The following SLC16A4 variants were observed in gnomAD, a reference collection of about 807,000 sequenced individuals.
SLC16A4 encodes solute carrier family 16 member 4.
SLC16A4 carries 39 observed loss-of-function variants against 47.9 expected under a neutral mutation model. The ratio of observed to expected loss-of-function variants is 0.81; its 90% CI spans 0.63 to 1.06. SLC16A4 has a LOEUF of 1.06. Ranked by LOEUF, SLC16A4 falls within the 50% of genes least tolerant of loss-of-function variation. The pLI is 0.00. For synonymous variants in SLC16A4, 189 were observed against 199.9 expected (o/e 0.95, Z 0.46); for missense variants, 524 against 573.8 (o/e 0.91, Z 0.89).
At chr1:110,380,171 G>A (rs1361006655) in intron 5 of SLC16A4, among the ~76,000 whole-genome samples, 1 of 151,852 alleles carries the variant, frequency 6.6e-6, no homozygotes, top group Non-Finnish European at 1.5e-5. Flanking sequence ...CTTTGGAGCT[G>A]AATAGTTGCT....
In SLC16A4 at chr1:110,366,101, T is replaced by TACACAC. The variant is rs112827792; in HGVS notation, c.1337-2214_1337-2209dup. ...ATCATGCCGACCAAGCCTTTCATTT[T>TACACAC]ACACACACACACACACACACACACA... is the stretch of plus-strand genomic sequence containing the variant. On this transcript the variant is annotated intron_variant, in intron 8 of 8. Coordinates refer to ENST00000369779, the MANE Select transcript of SLC16A4 (RefSeq NM_004696.3). Among the ~76,000 whole-genome samples, 696 of 143,932 alleles carry TACACAC rather than the reference T, an allele frequency of 4.8e-3. 6 individuals are homozygous for TACACAC. The highest frequency in any genetic ancestry group is 0.022 in the East Asian group (105 of 4,846). The allele number at this position is 143,932 out of a possible 152,430, so 94.4% of individuals were successfully genotyped here.
At chr1:110,367,990 G>A (rs944072624) in intron 8 of SLC16A4, among the ~76,000 whole-genome samples, 3 of 151,968 alleles carry the variant, frequency 2.0e-5, no homozygotes, top group Non-Finnish European at 4.4e-5. Context: ...CACCGTGCCC[G>A]GCTAATTTTT....
At position 110,376,961 on chromosome 1, in the gene SLC16A4, G is replaced by A; in HGVS notation, c.1231C>T (p.Leu411=). ...IFAGGYLALI[L]PVLVDLCRNS... Reference sequence around the variant, plus strand: ...GTGTGTCTACTCACCAGTACAGGCAGTATCAATGCCAGGTAACCACCAGCA... The same window carrying A: ...GTGTGTCTACTCACCAGTACAGGCAATATCAATGCCAGGTAACCACCAGCA... Residue 411 remains leucine (L), a synonymous_variant, in exon 7 of 9, where the codon CTG becomes TTG. Transcript: ENST00000369779. 1 of 1,613,296 alleles carries A rather than the reference G, an allele frequency of 6.2e-7. No individual in the cohort carries two copies. Among genetic ancestry groups the A allele is most frequent in the East Asian group, 2.2e-5 (1 of 44,864 alleles).
At chr1:110,366,620 A>C (rs1485211010) in intron 8 of SLC16A4, among the ~76,000 whole-genome samples, 2 of 152,218 alleles carry the variant, frequency 1.3e-5, no homozygotes, top group Non-Finnish European at 2.9e-5. Flanking sequence ...TACAGTACTC[A>C]GCACAGTAAC....
intron 8 of SLC16A4, among the ~76,000 whole-genome samples, chr1:110,364,955 A>G (rs12410178): frequency 0.12 from 17,935 of 151,684 alleles, 1,424 homozygotes; most frequent in African/African-American, 0.21. Context: ...GCTAAGGCAC[A>G]TCATTGCAAA....
chr1:110,390,954 T>G lies in SLC16A4; in HGVS notation c.-122A>C, dbSNP rs932542726. On this transcript the variant is annotated 5_prime_UTR_variant, in exon 1 of 9. Coordinates refer to ENST00000369779, the MANE Select transcript of SLC16A4 (RefSeq NM_004696.3). The stretch of plus-strand genomic sequence containing the variant: ...TACACCGTTTTCTGGAATGTTACTC[T>G]TTTTCTAAGGCATTTCATTTTGCTG... The G allele has an allele frequency of 8.5e-5, 13 of 152,224 alleles. No homozygotes were observed. Among genetic ancestry groups the G allele is most frequent in the African/African-American group, 9.7e-5 (4 of 41,450 alleles). 9.4% of individuals were successfully genotyped at this position (152,224 alleles called of 1,614,324 possible). A position where few individuals can be genotyped will look rare whatever the true frequency, so the allele number is the denominator to read the frequency against.
chr1:110,376,964 T>C lies in SLC16A4; in HGVS notation c.1228A>G (p.Ile410Val). The change falls in exon 7 of 9, where the codon ATA becomes GTA. Residue 410 changes from isoleucine (I) to valine (V), a missense_variant. Physicochemically the swap from Ile to Val is conservative, Grantham distance 29. Transcript: ENST00000369779. ...TGTCTACTCACCAGTACAGGCAGTA[T>C]CAATGCCAGGTAACCACCAGCAAAG... ...AIFAGGYLAL[I>V]LPVLVDLCRN... 6.2e-7 allele frequency: 1 copy of C among 1,613,686 alleles called. No homozygotes were observed. Among genetic ancestry groups the C allele is most frequent in the Non-Finnish European group, 8.5e-7 (1 of 1,179,644 alleles).
intron 1 of SLC16A4, 22 bp downstream of exon 1, chr1:110,390,843 C>T (rs1419605062): frequency 3.3e-5 from 5 of 152,176 alleles, no homozygotes; most frequent in Non-Finnish European, 5.9e-5. Flanking sequence ...CAACCCAGCA[C>T]ACAGTCCCAT....
intron 2 of SLC16A4, among the ~76,000 whole-genome samples, chr1:110,385,040 G>A (rs1312025058): frequency 6.6e-6 from 1 of 151,992 alleles, no homozygotes; most frequent in Non-Finnish European, 1.5e-5. Flanking sequence ...GAACCACAAA[G>A]CCTTAGGTTC....
chr1:110,382,424 A>T (rs1028852396), intron 3 of SLC16A4, among the ~76,000 whole-genome samples: 19 of 152,044 alleles, frequency 1.2e-4, no homozygotes, highest in Non-Finnish European at 7.4e-5. Flanking sequence ...GCACCACTGC[A>T]CTCCAACCTG....
chr1:110,366,297 A>G (rs774713914), intron 8 of SLC16A4, among the ~76,000 whole-genome samples: 5 of 152,044 alleles, frequency 3.3e-5, no homozygotes, highest in Admixed American at 6.5e-5. Flanking sequence ...TGCTGGGATT[A>G]TAGGTGCCTA....
rs897198910 is a variant in SLC16A4 at position 110,376,991 on chromosome 1, T to C, written c.1201A>G (p.Ile401Val). The change falls in exon 7 of 9, where the codon ATC (isoleucine) becomes GTC (valine). Residue 401 changes from isoleucine (I) to valine (V), a missense_variant. Transcript: ENST00000369779. ...AATGCCAGGTAACCACCAGCAAAGATGGCAAAGCAGATGGTGTAGGTCATA... is the reference window on the plus strand; with the variant it reads ...AATGCCAGGTAACCACCAGCAAAGACGGCAAAGCAGATGGTGTAGGTCATA... The part of the protein sequence containing the change: ...LLMTYTICFA[I>V]FAGGYLALIL... The C allele has an allele frequency of 3.7e-6, 6 of 1,614,108 alleles. No homozygotes were observed. Among genetic ancestry groups the C allele is most frequent in the African/African-American group, 1.3e-5 (1 of 75,042 alleles).
At position 110,363,819 on chromosome 1, in the gene SLC16A4, C is replaced by G; in HGVS notation, c.1411G>C (p.Val471Leu). ...GCCAATGGTACAAAAAAAAAGGAAA[C>G]TGAAGAGAGGAGATAGCATATGCCA... is the stretch of plus-strand genomic sequence containing the variant. ...FSGICYLLSS[V>L]SFFFVPLAER... The change falls in exon 9 of 9, where the codon GTT becomes CTT. Residue 471 changes from valine to leucine, a missense_variant. Val to Leu is a conservative substitution (Grantham distance 32). Coordinates refer to ENST00000369779, the MANE Select transcript of SLC16A4 (RefSeq NM_004696.3). 1 of 1,611,784 alleles carries G rather than the reference C, an allele frequency of 6.2e-7. No homozygotes were observed. Among genetic ancestry groups the G allele is most frequent in the Non-Finnish European group, 8.5e-7 (1 of 1,179,088 alleles).
intron 7 of SLC16A4, 65 bp from the exon 8 acceptor site, chr1:110,375,616 A>G: frequency 1.1e-6 from 1 of 873,270 alleles, no homozygotes; most frequent in Non-Finnish European, 1.9e-6. Flanking sequence ...CCTATGCCTA[A>G]AAGGGACAAA....
At chr1:110,376,865 T>C in intron 7 of SLC16A4, 85 bp downstream of exon 7, 1 of 1,121,674 alleles carries the variant, frequency 8.9e-7, no homozygotes, top group Non-Finnish European at 1.3e-6. Context: ...ACAAAATTAA[T>C]ACAAAATACG....
intron 1 of SLC16A4, among the ~76,000 whole-genome samples, chr1:110,390,362 T>C (rs1275817847): frequency 2.6e-5 from 4 of 152,214 alleles, no homozygotes; most frequent in African/African-American, 9.6e-5. Flanking sequence ...AAACACTTGC[T>C]AAATGTAAAT....
Position 110,379,063 on chromosome 1 carries a change from T to G in SLC16A4, c.820A>C (p.Lys274Gln). ...NGPNRNRLLL[K>Q]SDEESDKVIS... ...ACCTTATCACTTTCTTCATCACTCTTTAATAACAGTCTGTTCCTGTTAGGC... is the reference window on the plus strand; with the variant it reads ...ACCTTATCACTTTCTTCATCACTCTGTAATAACAGTCTGTTCCTGTTAGGC... The change falls in exon 6 of 9, where the codon AAG (lysine) becomes CAG (glutamine). Residue 274 changes from lysine to glutamine, a missense_variant. Coordinates refer to ENST00000369779, the MANE Select transcript of SLC16A4 (RefSeq NM_004696.3). 1 of 1,614,252 alleles carries G rather than the reference T, an allele frequency of 6.2e-7. No individual in the cohort carries two copies. The highest frequency in any genetic ancestry group is 8.5e-7 in the Non-Finnish European group (1 of 1,180,040).
At chr1:110,378,241 A>G (rs994449402) in intron 6 of SLC16A4, among the ~76,000 whole-genome samples, 2 of 152,228 alleles carry the variant, frequency 1.3e-5, no homozygotes, top group African/African-American at 4.8e-5. Context: ...CAAGGGGAAA[A>G]TTCCTTAGCT....
intron 2 of SLC16A4, among the ~76,000 whole-genome samples, chr1:110,383,639 C>A (rs1415280324): frequency 6.6e-6 from 1 of 152,072 alleles, no homozygotes; most frequent in Non-Finnish European, 1.5e-5. Context: ...GTGATGTTAT[C>A]CCCCGAGCAA....
Sources: allele counts gnomAD v4.1 joint callset (sites outside exome capture counted in the v4.1 genomes callset), GRCh38; gene constraint gnomAD v4.1.1; transcripts MANE v1.5; gene names NCBI Gene and HGNC (gene_info 2026-07-23, HGNC 2026-07-21).